Variants in CENPP observed in about 807,000 individuals in gnomAD.
The protein encoded by CENPP is centromere protein P.
CENPP carries 24 observed loss-of-function variants against 35.6 expected under a neutral mutation model. The observed-to-expected ratio is 0.67, with a 90% CI of 0.49 to 0.95. The LOEUF is 0.95. Ranked by LOEUF, CENPP falls within the 40% of genes least tolerant of loss-of-function variation. The pLI, the probability that CENPP is intolerant of heterozygous loss-of-function variation, is 0.00. For missense variants in CENPP, 332 were observed against 345.3 expected (o/e 0.96, Z 0.31); for synonymous variants, 120 against 125.5 (o/e 0.96, Z 0.29).
At chr9:92,501,363 C>T (rs1000094805) in intron 5 of CENPP, among the ~76,000 whole-genome samples, 1 of 152,104 alleles carries the variant, frequency 6.6e-6, no homozygotes, top group Non-Finnish European at 1.5e-5. Flanking sequence ...AATATCTGTA[C>T]GGTTGATGCG....
intron 5 of CENPP, among the ~76,000 whole-genome samples, chr9:92,550,041 C>T (rs1563999272): frequency 6.6e-6 from 1 of 152,160 alleles, no homozygotes; most frequent in South Asian, 2.1e-4. Flanking sequence ...ATAACAGAGA[C>T]AGGACACATT....
chr9:92,386,390 T>TAGAC, intron 5 of CENPP: 2 of 752,010 alleles, frequency 2.7e-6, no homozygotes, highest in Non-Finnish European at 4.7e-6. Flanking sequence ...TATATGTCTA[T>TAGAC]ATATACAGAC....
chr9:92,583,874 A>T (rs1320897234), intron 5 of CENPP, among the ~76,000 whole-genome samples: 1 of 152,242 alleles, frequency 6.6e-6, no homozygotes, highest in Admixed American at 6.5e-5. Context: ...ATGTTTGCAT[A>T]CTGAAAATTA....
chr9:92,532,018 TTTTTTTTTTTATTTTA>T (rs1440152507), intron 5 of CENPP, among the ~76,000 whole-genome samples: 3 of 126,496 alleles, frequency 2.4e-5, no homozygotes, highest in African/African-American at 3.7e-5. Flanking sequence ...ATTTAATGTT[TTTTTTTTTTTATTTTA>T]TTTTTTTTTT....
At chr9:92,607,389 G>T (rs1214746346) in intron 5 of CENPP, among the ~76,000 whole-genome samples, 3 of 152,138 alleles carry the variant, frequency 2.0e-5, no homozygotes, top group Non-Finnish European at 4.4e-5. Context: ...TAGCCTGGTG[G>T]TTGCTTATGG....
chr9:92,333,567 A>G lies in CENPP; in HGVS notation c.289+1216A>G, dbSNP rs1329001372. On this transcript the variant is annotated intron_variant, in intron 2 of 7. Transcript: ENST00000375587. The stretch of plus-strand genomic sequence containing the variant: ...TATGTGCTCATTTTAGCAAACTTGG[A>G]AAAATATAGAAATTATGAAGAAGAA... 2.6e-5 allele frequency among the ~76,000 whole-genome samples: 4 copies of G among 152,210 alleles called. No homozygotes were observed. The South Asian group carries it at 8.3e-4, about 31-fold the overall frequency.
intron 5 of CENPP, among the ~76,000 whole-genome samples, chr9:92,406,300 G>C (rs1843304550): frequency 6.6e-6 from 1 of 152,102 alleles, no homozygotes. Flanking sequence ...CTAGACAGGG[G>C]GAATAGAGGT....
intron 3 of CENPP, among the ~76,000 whole-genome samples, chr9:92,343,304 G>A (rs1443494323): frequency 1.3e-5 from 2 of 152,162 alleles, no homozygotes; most frequent in Admixed American, 6.5e-5. Context: ...CAAGGTGGTT[G>A]GGACATAGAG....
At chr9:92,492,448 G>T (rs994783953) in intron 5 of CENPP, among the ~76,000 whole-genome samples, 19 of 152,196 alleles carry the variant, frequency 1.2e-4, no homozygotes, top group African/African-American at 4.1e-4. Flanking sequence ...TATTTCAACT[G>T]TACAACATTG....
chr9:92,494,913 A>G (rs1846280398), intron 5 of CENPP, among the ~76,000 whole-genome samples: 2 of 152,020 alleles, frequency 1.3e-5, no homozygotes, highest in African/African-American at 2.4e-5. Flanking sequence ...CTAAAAAAAT[A>G]ATAATAATAA....
intron 5 of CENPP, among the ~76,000 whole-genome samples, chr9:92,448,109 G>C (rs538781016): frequency 6.6e-6 from 1 of 152,244 alleles, no homozygotes; most frequent in South Asian, 2.1e-4. Flanking sequence ...ATGTGTGTTA[G>C]CAAAGTTGTA....
At chr9:92,342,825 A>C (rs1404307927) in intron 3 of CENPP, among the ~76,000 whole-genome samples, 6 of 151,790 alleles carry the variant, frequency 4.0e-5, no homozygotes, top group African/African-American at 1.4e-4. Context: ...TTCTATACCA[A>C]CTTGTGTATG....
At chr9:92,429,020 A>G (rs775401168) in intron 5 of CENPP, among the ~76,000 whole-genome samples, 8 of 152,078 alleles carry the variant, frequency 5.3e-5, no homozygotes, top group Non-Finnish European at 1.0e-4. Flanking sequence ...AGCTTATTCC[A>G]GTTGCAATTA....
chr9:92,325,724 T>A, upstream of CENPP: 1 of 409,908 alleles, frequency 2.4e-6, no homozygotes, highest in Non-Finnish European at 4.4e-6. Flanking sequence ...CGCTTGGGCT[T>A]GGAGTAGCAA....
Position 92,429,177 on chromosome 9 carries a change from ATCT to A in CENPP, c.564+49325_564+49327del, listed in dbSNP as rs1014701858. ...GAATGCACAGTACCCTCCAATGTGC[ATCT>A]TCTTCTCCATTTTCTGAATGTTTCT... is the stretch of plus-strand genomic sequence containing the variant. On this transcript the variant is annotated intron_variant, in intron 5 of 7. Transcript: ENST00000375587. 1.1e-3 allele frequency among the ~76,000 whole-genome samples: 175 copies of A among 152,298 alleles called. 1 individual carries two copies. Among genetic ancestry groups the A allele is most frequent in the African/African-American group, 3.9e-3 (164 of 41,558 alleles).
intron 5 of CENPP, among the ~76,000 whole-genome samples, chr9:92,602,322 C>T (rs1013719863): frequency 6.6e-6 from 1 of 152,202 alleles, no homozygotes; most frequent in Non-Finnish European, 1.5e-5. Context: ...CGGAAAGCCA[C>T]CTTTTGGGAC....
Position 92,496,632 on chromosome 9 carries a change from C to A in CENPP, c.565-114682C>A, listed in dbSNP as rs531968704. On this transcript the variant is annotated intron_variant, in intron 5 of 7. Transcript: ENST00000375587. The stretch of plus-strand genomic sequence containing the variant: ...ATAAATTCCAACTACGTCAGAGATT[C>A]AAATGTGAAAGATGAAGCCATAGAA... 460 of 988,918 alleles carry A rather than the reference C, an allele frequency of 4.7e-4. 3 individuals carry two copies. In the African/African-American group the frequency reaches 7.2e-3, roughly 15 times the overall value. The allele number at this position is 988,918 out of a possible 1,614,324, so 61.3% of individuals were successfully genotyped here. A position where few individuals can be genotyped will look rare whatever the true frequency, so the allele number is the denominator to read the frequency against.
intron 5 of CENPP, among the ~76,000 whole-genome samples, chr9:92,533,328 A>AAAAAAAAATATATATATATAT (rs1554683138): frequency 2.6e-5 from 1 of 38,336 alleles, no homozygotes; most frequent in Non-Finnish European, 4.3e-5. Flanking sequence ...AAAAAAAAAA[A>AAAAAAAAATATATATATATAT]ATATATATAT....
intron 5 of CENPP, chr9:92,401,237 C>A: frequency 1.2e-6 from 1 of 829,748 alleles, no homozygotes. Flanking sequence ...CTGTGTTTCT[C>A]TGTAAAATGA....
Sources: allele counts gnomAD v4.1 joint callset (sites outside exome capture counted in the v4.1 genomes callset), GRCh38; gene constraint gnomAD v4.1.1; transcripts MANE v1.5; gene names NCBI Gene and HGNC (gene_info 2026-07-23, HGNC 2026-07-21).